The following PRKN variants were observed in gnomAD, a reference collection of about 807,000 sequenced individuals.
PRKN encodes E3 ubiquitin-protein ligase parkin.
In PRKN, 56 loss-of-function variants were observed where a neutral mutation model predicts 59.5. The ratio of observed to expected loss-of-function variants is 0.94; its 90% CI spans 0.76 to 1.18. PRKN has a LOEUF of 1.18. PRKN is among the 50% of genes most tolerant of loss of function. The pLI, the probability that PRKN is intolerant of heterozygous loss-of-function variation, is 0.00. For synonymous variants in PRKN, 250 were observed against 222.1 expected (o/e 1.13, Z -1.12); for missense variants, 657 against 596.4 (o/e 1.10, Z -1.06).
At chr6:161,570,305 A>C (rs957189636) in intron 7 of PRKN, among the ~76,000 whole-genome samples, 5 of 146,894 alleles carry the variant, frequency 3.4e-5, no homozygotes, top group African/African-American at 1.2e-4. Context: ...ATTTTATAGA[A>C]TTATATAATT....
chr6:162,495,687 A>G (rs1394378206), intron 1 of PRKN, among the ~76,000 whole-genome samples: 1 of 151,930 alleles, frequency 6.6e-6, no homozygotes, highest in Non-Finnish European at 1.5e-5. Flanking sequence ...TTTCTTTCTC[A>G]CTGTCACTCA....
chr6:162,222,249 C>G (rs1344188797), intron 3 of PRKN, among the ~76,000 whole-genome samples: 1 of 151,928 alleles, frequency 6.6e-6, no homozygotes, highest in African/African-American at 2.4e-5. Flanking sequence ...TATTAAATAC[C>G]AAAGATAAAG....
At chr6:162,398,209 T>C (rs962450186) in intron 2 of PRKN, among the ~76,000 whole-genome samples, 11 of 152,052 alleles carry the variant, frequency 7.2e-5, no homozygotes, top group African/African-American at 2.7e-4. Flanking sequence ...GAAAAACATA[T>C]AAAAGGCTTC....
intron 1 of PRKN, among the ~76,000 whole-genome samples, chr6:162,594,365 C>A (rs1261275973): frequency 6.6e-6 from 1 of 152,114 alleles, no homozygotes; most frequent in African/African-American, 2.4e-5. Context: ...CTAAATATAT[C>A]CAATGGATCT....
rs1003747037 is a variant in PRKN, at chr6:161,475,915, G to A, written c.1083+72939C>T. On this transcript the variant is annotated intron_variant, in intron 9 of 11. Transcript: ENST00000366898. This position sits in a 1 kb window ranked among gnomAD's most constrained non-coding sequence, Gnocchi z 5.3. ...ATATTATTCAAGATAGGCTGGTCGC[G>A]GTGGCTCACGCCTGTAATCCCAGCA... Among the ~76,000 whole-genome samples the A allele has an allele frequency of 5.9e-5, 9 of 151,852 alleles. No homozygotes were observed. Among genetic ancestry groups the A allele is most frequent in the East Asian group, 1.9e-4 (1 of 5,188 alleles).
intron 2 of PRKN, among the ~76,000 whole-genome samples, chr6:162,388,396 TCTAA>T (rs1439796633): frequency 2.0e-5 from 3 of 152,182 alleles, no homozygotes; most frequent in African/African-American, 7.2e-5. Flanking sequence ...ATTTTGGGTC[TCTAA>T]CTATGTTTCT....
chr6:161,634,300 T>G (rs924870581), intron 7 of PRKN, among the ~76,000 whole-genome samples: 1 of 152,198 alleles, frequency 6.6e-6, no homozygotes, highest in Non-Finnish European at 1.5e-5. Flanking sequence ...CCTGAAGGCC[T>G]GTAGCAGGGC....
At chr6:161,987,152 C>T (rs934445696) in intron 5 of PRKN, among the ~76,000 whole-genome samples, 5 of 152,188 alleles carry the variant, frequency 3.3e-5, no homozygotes, top group African/African-American at 1.2e-4. Flanking sequence ...TACTTTCTCA[C>T]ATTCTATATA....
At chr6:162,362,819 ACACTATTCTATAAAAAT>A (rs919986549) in intron 2 of PRKN, among the ~76,000 whole-genome samples, 1 of 152,028 alleles carries the variant, frequency 6.6e-6, no homozygotes, top group African/African-American at 2.4e-5. Context: ...ACAATAAAAA[ACACTATTCTATAAAAAT>A]TGTTTCCCCT....
chr6:161,916,790 A>ATTTTTCTTTTTC (rs1444656796), intron 6 of PRKN, among the ~76,000 whole-genome samples: 1 of 151,928 alleles, frequency 6.6e-6, no homozygotes, highest in African/African-American at 2.4e-5. Context: ...TTTAATTTTA[A>ATTTTTCTTTTTC]TTTTTCTTTT....
intron 6 of PRKN, among the ~76,000 whole-genome samples, chr6:161,846,519 C>G (rs531585140): frequency 1.4e-4 from 22 of 152,286 alleles, no homozygotes; most frequent in Middle Eastern, 3.4e-3. Context: ...GTTGGGAGCA[C>G]AGGGCCCAAG....
chr6:162,304,572 T>C (rs1362369710), intron 2 of PRKN, among the ~76,000 whole-genome samples: 1 of 150,546 alleles, frequency 6.6e-6, no homozygotes, highest in African/African-American at 2.5e-5. Context: ...TTTATCTATC[T>C]ATCCATCTAC....
intron 9 of PRKN, among the ~76,000 whole-genome samples, chr6:161,532,308 C>A (rs2115387651): frequency 6.6e-6 from 1 of 152,014 alleles, no homozygotes; most frequent in East Asian, 1.9e-4. Flanking sequence ...TTAGGGTTCA[C>A]TTAAGCAAAA....
intron 1 of PRKN, among the ~76,000 whole-genome samples, chr6:162,552,536 C>T (rs1779372973): frequency 6.6e-6 from 1 of 151,960 alleles, no homozygotes; most frequent in Admixed American, 6.6e-5. Flanking sequence ...AATGAGTTGT[C>T]ATTCACTGAG....
At chr6:161,702,885 T>C (rs1278273340) in intron 7 of PRKN, among the ~76,000 whole-genome samples, 1 of 152,030 alleles carries the variant, frequency 6.6e-6, no homozygotes, top group African/African-American at 2.4e-5. Flanking sequence ...TTGTATTTTA[T>C]TATAATAAAC....
At chr6:162,345,347 C>T (rs192805299) in intron 2 of PRKN, among the ~76,000 whole-genome samples, 8 of 152,306 alleles carry the variant, frequency 5.3e-5, no homozygotes, top group Admixed American at 3.3e-4. Flanking sequence ...ATCATGTACT[C>T]TTGAGTGCAG....
intron 9 of PRKN, among the ~76,000 whole-genome samples, chr6:161,415,701 G>A (rs558365395): frequency 6.8e-6 from 1 of 148,092 alleles, no homozygotes; most frequent in Non-Finnish European, 1.5e-5. Context: ...GAGTCTGCCC[G>A]GCCCCTCCTG....
intron 5 of PRKN, among the ~76,000 whole-genome samples, chr6:161,976,031 G>A (rs1398458032): frequency 5.9e-5 from 9 of 152,028 alleles, no homozygotes; most frequent in East Asian, 3.9e-4. Flanking sequence ...TTGGCTTCCC[G>A]AGTAGCTGGG....
At chr6:161,596,634 C>G (rs1781924063) in intron 7 of PRKN, among the ~76,000 whole-genome samples, 1 of 152,136 alleles carries the variant, frequency 6.6e-6, no homozygotes, top group African/African-American at 2.4e-5. Flanking sequence ...ACAAAAAAAG[C>G]CTACTAAATC....
Sources: allele counts gnomAD v4.1 joint callset (sites outside exome capture counted in the v4.1 genomes callset), GRCh38; gene constraint gnomAD v4.1.1; non-coding constraint Gnocchi (gnomAD v3.1); transcripts MANE v1.5; gene names NCBI Gene and HGNC (gene_info 2026-07-23, HGNC 2026-07-21).